GATAD2A: variants seen among roughly 807,000 people sequenced by gnomAD.
GATAD2A encodes the protein GATA zinc finger domain containing 2A.
Under a neutral mutation model 68.5 loss-of-function variants are expected in GATAD2A, and 12 were observed. The ratio of observed to expected loss-of-function variants is 0.18; its 90% CI spans 0.11 to 0.28. GATAD2A has a LOEUF of 0.28. Among genes scored for constraint, GATAD2A ranks in the 10% least tolerant of loss-of-function variants. The pLI is 1.00. For missense variants in GATAD2A, 755 were observed against 868.5 expected (o/e 0.87, Z 1.64); for synonymous variants, 410 against 375.3 (o/e 1.09, Z -1.07).
chr19:19,495,945 AG>A (rs2148435223), intron 6 of GATAD2A, 60 bp downstream of exon 6: 1 of 1,592,972 alleles, frequency 6.3e-7, no homozygotes, highest in Non-Finnish European at 8.6e-7. Context: ...CTACCTTGAA[AG>A]TAGGGCCCTT....
At position 19,501,431 on chromosome 19, in the gene GATAD2A, C is replaced by T. The variant is rs1024744785; in HGVS notation, c.1503+15C>T. 3 of 1,566,796 alleles carry T rather than the reference C, an allele frequency of 1.9e-6. No individual in the cohort carries two copies. The highest frequency in any genetic ancestry group is 2.6e-6 in the Non-Finnish European group (3 of 1,156,394). On this transcript the variant is annotated intron_variant, in intron 9 of 11. Transcript: ENST00000683918. ...TGCTGAAGCAGGTGAGCCTGGCCTG[C>T]TGCCGGCAGTGCCGTCCCTAGGAGG...
At position 19,492,648 on chromosome 19, in the gene GATAD2A, C is replaced by G; in HGVS notation, c.470C>G (p.Ala157Gly). 1 of 1,614,142 alleles carries G rather than the reference C, an allele frequency of 6.2e-7. No homozygotes were observed. Among genetic ancestry groups the G allele is most frequent in the South Asian group, 1.1e-5 (1 of 91,088 alleles). Residue 157 changes from alanine to glycine, a missense_variant, in exon 4 of 12, where the codon GCA becomes GGA. Ala to Gly is a moderately conservative substitution (Grantham distance 60, BLOSUM62 0). Transcript: ENST00000683918. ...QLKEELRLEE[A>G]KLVLLKKLRQ... ...AAGGAAGAATTGAGGTTAGAAGAAG[C>G]AAAACTCGTGTTGTTGAAAAAGTTG...
At chr19:19,402,718 A>T, upstream of GATAD2A, 3 of 148,922 alleles carry the variant, frequency 2.0e-5, no homozygotes, top group Non-Finnish European at 1.5e-5. Flanking sequence ...AAGAAAGTAC[A>T]GTATTAATTA....
intron 1 of GATAD2A, chr19:19,441,553 GTTTGTT>G (rs996301404): frequency 5.1e-5 from 8 of 155,632 alleles, no homozygotes; most frequent in South Asian, 3.2e-4. Flanking sequence ...TTAAATTTGG[GTTTGTT>G]TTTGTTTTTG....
chr19:19,470,151 T>TG (rs199798773), intron 2 of GATAD2A, among the ~76,000 whole-genome samples: 4 of 137,392 alleles, frequency 2.9e-5, no homozygotes, highest in African/African-American at 1.1e-4. Context: ...TTATTTTTTT[T>TG]TTTGTTTTTT....
intron 1 of GATAD2A, 52 bp from the exon 2 acceptor site, chr19:19,465,288 G>A: frequency 4.4e-6 from 6 of 1,373,278 alleles, no homozygotes; most frequent in Non-Finnish European, 6.2e-6. Flanking sequence ...CCAAGAAGGT[G>A]GCACCTTCAT....
chr19:19,390,010 C>T (rs893327948), intron 1 of GATAD2A, among the ~76,000 whole-genome samples: 5 of 152,128 alleles, frequency 3.3e-5, no homozygotes, highest in South Asian at 2.1e-4. Flanking sequence ...GTGATCTGCC[C>T]GCCTCAGCCT....
At chr19:19,413,208 G>C (rs1247015679) in intron 1 of GATAD2A, among the ~76,000 whole-genome samples, 1 of 152,150 alleles carries the variant, frequency 6.6e-6, no homozygotes, top group Non-Finnish European at 1.5e-5. Context: ...TTTAGCACAG[G>C]CTCACTCTGC....
chr19:19,495,427 G>C (rs1253148599), intron 5 of GATAD2A, among the ~76,000 whole-genome samples: 3 of 152,038 alleles, frequency 2.0e-5, no homozygotes, highest in Admixed American at 6.5e-5. Context: ...TCCTGCCTCA[G>C]CCTTCTGAGT....
chr19:19,481,402 C>T (rs2059048401), intron 2 of GATAD2A, among the ~76,000 whole-genome samples: 1 of 152,190 alleles, frequency 6.6e-6, no homozygotes, highest in Non-Finnish European at 1.5e-5. Context: ...ACAGTCATAG[C>T]TCACTGTAGC....
intron 1 of GATAD2A, among the ~76,000 whole-genome samples, chr19:19,406,450 C>G (rs1335050126): frequency 2.0e-5 from 3 of 151,296 alleles, no homozygotes; most frequent in Non-Finnish European, 3.0e-5. Context: ...ACGCTGAACC[C>G]CGCGGCGGCG....
intron 1 of GATAD2A, among the ~76,000 whole-genome samples, chr19:19,414,912 G>T (rs1218220608): frequency 6.8e-6 from 1 of 146,028 alleles, no homozygotes; most frequent in Non-Finnish European, 1.5e-5. Context: ...GGCAGGACAT[G>T]GGGAGGGAGA....
chr19:19,427,052 C>CT (rs1286178959), intron 1 of GATAD2A, among the ~76,000 whole-genome samples: 2 of 151,382 alleles, frequency 1.3e-5, no homozygotes, highest in Non-Finnish European at 2.9e-5. Flanking sequence ...AAAAGACACA[C>CT]TTATGATTGC....
chr19:19,429,522 C>T (rs1426431706), intron 1 of GATAD2A, among the ~76,000 whole-genome samples: 1 of 151,948 alleles, frequency 6.6e-6, no homozygotes, highest in Admixed American at 6.5e-5. Flanking sequence ...GCTGGGTGGA[C>T]CTGGGAAATT....
intron 1 of GATAD2A, among the ~76,000 whole-genome samples, chr19:19,428,892 C>T (rs1171626732): frequency 6.6e-6 from 1 of 152,170 alleles, no homozygotes; most frequent in Non-Finnish European, 1.5e-5. Context: ...GGGACATTGG[C>T]CGCGCCCCGA....
intron 10 of GATAD2A, 130 bp from the exon 11 acceptor site, chr19:19,502,201 T>A: frequency 1.1e-6 from 1 of 893,738 alleles, no homozygotes; most frequent in African/African-American, 1.7e-5. Flanking sequence ...CCTGGTCTCC[T>A]GATTTTGGAC....
rs1238369613 is a variant in GATAD2A, at chr19:19,496,205, G to A, written c.910G>A (p.Val304Ile). ...VANVPNTSLL[V>I]NIPQPTPASL... The stretch of plus-strand genomic sequence containing the variant: ...CAATGTTCCCAACACCAGCCTGCTC[G>A]TCAACATCCCACAGGTGAGGGCTGC... The change falls in exon 7 of 12, where the codon GTC becomes ATC. Residue 304 changes from valine (V) to isoleucine (I), a missense_variant. Val to Ile is a conservative substitution (Grantham distance 29, BLOSUM62 3). Coordinates refer to ENST00000683918, the MANE Select transcript of GATAD2A (RefSeq NM_001384528.1). 9.3e-6 allele frequency: 15 copies of A among 1,613,458 alleles called. No homozygotes were observed. The highest frequency in any genetic ancestry group is 5.3e-5 in the African/African-American group (4 of 74,936).
At chr19:19,460,211 C>T (rs1324510220) in intron 1 of GATAD2A, among the ~76,000 whole-genome samples, 1 of 152,216 alleles carries the variant, frequency 6.6e-6, no homozygotes, top group African/African-American at 2.4e-5. Flanking sequence ...CAGGATGTGG[C>T]TTTGGGAGCT....
intron 2 of GATAD2A, among the ~76,000 whole-genome samples, chr19:19,476,017 C>T (rs2058657171): frequency 6.6e-6 from 1 of 152,206 alleles, no homozygotes; most frequent in African/African-American, 2.4e-5. Flanking sequence ...TGAACTTCAG[C>T]TTCTCCAAGG....
Sources: gnomAD v4.1 joint callset for allele counts (sites outside exome capture counted in the v4.1 genomes callset) on GRCh38, gnomAD v4.1.1 for gene constraint, MANE v1.5 for transcripts, NCBI Gene and HGNC (gene_info 2026-07-23, HGNC 2026-07-21) for gene names.